PTPN11: variants seen among roughly 807,000 people sequenced by gnomAD.
PTPN11 encodes protein tyrosine phosphatase non-receptor type 11, also known as tyrosine-protein phosphatase non-receptor type 11.
PTPN11 carries 6 observed loss-of-function variants against 78.8 expected under a neutral mutation model. The ratio of observed to expected loss-of-function variants is 0.08; its 90% CI spans 0.04 to 0.15. The LOEUF is 0.15. Ranked by LOEUF, PTPN11 falls within the 10% of genes least tolerant of loss-of-function variation. PTPN11 has a pLI of 1.00. For missense variants in PTPN11, 386 were observed against 744.8 expected (o/e 0.52, Z 5.61); for synonymous variants, 221 against 263.5 (o/e 0.84, Z 1.56).
chr12:112,435,355 C>T (rs1005749681), intron 1 of PTPN11, among the ~76,000 whole-genome samples: 4 of 152,112 alleles, frequency 2.6e-5, no homozygotes, highest in African/African-American at 9.7e-5. Flanking sequence ...GTTAATAATA[C>T]TATGTTTGAG....
chr12:112,504,077 T>C lies in PTPN11; in HGVS notation c.1713-618T>C, dbSNP rs1271158217. Among the ~76,000 whole-genome samples, 1 of 152,250 alleles carries C rather than the reference T, an allele frequency of 6.6e-6. No homozygotes were observed. The highest frequency in any genetic ancestry group is 1.5e-5 in the Non-Finnish European group (1 of 68,046). Reference sequence around the variant, plus strand: ...TGGAAATTAATAGGATTTCATTCTATGTGTGCATTTCCAACCTTTCTTCAC... The same window carrying C: ...TGGAAATTAATAGGATTTCATTCTACGTGTGCATTTCCAACCTTTCTTCAC... On this transcript the variant is annotated intron_variant, in intron 14 of 15. Transcript: ENST00000351677. This position sits in a 1 kb window ranked among gnomAD's most constrained non-coding sequence, Gnocchi z 4.7.
At chr12:112,420,351 C>CT (rs760426760) in intron 1 of PTPN11, among the ~76,000 whole-genome samples, 126 of 145,378 alleles carry the variant, frequency 8.7e-4, no homozygotes, top group African/African-American at 1.2e-3. Context: ...TTCTTTTTTT[C>CT]TTTTTTTTTT....
At chr12:112,442,855 T>TATATATATATATATAAATTATATATACAC (rs2037923120) in intron 1 of PTPN11, among the ~76,000 whole-genome samples, 2 of 95,602 alleles carry the variant, frequency 2.1e-5, no homozygotes, top group African/African-American at 8.6e-5. Context: ...TATATATATA[T>TATATATATATATATAAATTATATATACAC]ATATATATAT....
chr12:112,433,085 T>C (rs1469981366), intron 1 of PTPN11, among the ~76,000 whole-genome samples: 1 of 152,136 alleles, frequency 6.6e-6, no homozygotes, highest in Non-Finnish European at 1.5e-5. Flanking sequence ...GGTCTTGAAC[T>C]CCTGACCTCA....
At chr12:112,503,721 A>C (rs1041661357) in intron 14 of PTPN11, among the ~76,000 whole-genome samples, 1 of 152,154 alleles carries the variant, frequency 6.6e-6, no homozygotes, top group Non-Finnish European at 1.5e-5. Flanking sequence ...CCTCAGTACC[A>C]GTGGCATGCC....
At chr12:112,474,803 A>T (rs1319230882) in intron 7 of PTPN11, among the ~76,000 whole-genome samples, 1 of 151,516 alleles carries the variant, frequency 6.6e-6, no homozygotes. Flanking sequence ...TTTTGTAATT[A>T]TTTTTTTTGT....
At chr12:112,467,684 A>T (rs575785657) in intron 6 of PTPN11, among the ~76,000 whole-genome samples, 1 of 152,194 alleles carries the variant, frequency 6.6e-6, no homozygotes, top group African/African-American at 2.4e-5. Flanking sequence ...TAGCAGAGAC[A>T]GGGTTTCACC....
At chr12:112,479,832 C>G (rs1036279879) in intron 9 of PTPN11, among the ~76,000 whole-genome samples, 1 of 152,178 alleles carries the variant, frequency 6.6e-6, no homozygotes, top group Non-Finnish European at 1.5e-5. Flanking sequence ...CCAAATCACT[C>G]TGCCCCACCC....
chr12:112,427,107 G>A (rs916350472), intron 1 of PTPN11, among the ~76,000 whole-genome samples: 1 of 152,130 alleles, frequency 6.6e-6, no homozygotes, highest in African/African-American at 2.4e-5. Flanking sequence ...TTAGCCAGGT[G>A]TGGTGGTGCA....
Position 112,492,803 on chromosome 12 carries a change from C to T in PTPN11, c.1599+3628C>T, listed in dbSNP as rs181124420. On this transcript the variant is annotated intron_variant, in intron 13 of 15. Coordinates refer to ENST00000351677, the MANE Select transcript of PTPN11 (RefSeq NM_002834.5). ...AAGTGCTGGGATTACAGATGTGAGT[C>T]ACTGCGCCCGGCTCTCATAATACTT... Among the ~76,000 whole-genome samples the T allele has an allele frequency of 9.2e-4, 140 of 152,292 alleles. 1 individual carries two copies. The highest frequency in any genetic ancestry group is 3.3e-3 in the African/African-American group (136 of 41,552).
intron 2 of PTPN11, among the ~76,000 whole-genome samples, chr12:112,447,740 T>TCTGC (rs2038016715): frequency 6.6e-6 from 1 of 151,884 alleles, no homozygotes; most frequent in Admixed American, 6.6e-5. Flanking sequence ...CCTCAGGTGA[T>TCTGC]CTGCCTGCCT....
intron 1 of PTPN11, among the ~76,000 whole-genome samples, chr12:112,436,115 C>A (rs572295390): frequency 3.3e-5 from 5 of 152,002 alleles, no homozygotes; most frequent in Non-Finnish European, 1.5e-5. Context: ...ATAAATAAAA[C>A]AAACATGGGC....
intron 12 of PTPN11, 143 bp downstream of exon 12, chr12:112,488,653 C>T (rs2038709195): frequency 7.9e-6 from 7 of 883,162 alleles, no homozygotes; most frequent in East Asian, 7.6e-5. Flanking sequence ...AGTGTGTCTG[C>T]CTGAGAACAG....
chr12:112,507,149 C>T lies in PTPN11; in HGVS notation c.*1357C>T, dbSNP rs2038945647. On this transcript the variant is annotated 3_prime_UTR_variant, in exon 16 of 16. Transcript: ENST00000351677. ...GGTCACAACCAGTGCCATGGAAAAC[C>T]AAGGATATTAGCAAAAGCAGAAGTT... 7 of 152,982 alleles carry T rather than the reference C, an allele frequency of 4.6e-5. No individual in the cohort carries two copies. The highest frequency in any genetic ancestry group is 4.6e-4 in the Admixed American group (7 of 15,320). 9.5% of individuals were successfully genotyped at this position (152,982 alleles called of 1,614,324 possible).
In PTPN11 at chr12:112,492,329, A is replaced by G. The variant is rs184703972; in HGVS notation, c.1599+3154A>G. 2.6e-5 allele frequency among the ~76,000 whole-genome samples: 4 copies of G among 152,274 alleles called. No individual in the cohort carries two copies. The East Asian group carries it at 7.7e-4, about 29-fold the overall frequency. ...TCCACCGTAAAGTTACTTGAGCAAA[A>G]CGTAGCTGGGACTACAGGCGTAGCA... On this transcript the variant is annotated intron_variant, in intron 13 of 15. Coordinates refer to ENST00000351677, the MANE Select transcript of PTPN11 (RefSeq NM_002834.5).
intron 12 of PTPN11, 23 bp from the exon 13 acceptor site, chr12:112,489,001 T>C (rs2038713308): frequency 6.2e-7 from 1 of 1,612,312 alleles, no homozygotes; most frequent in African/African-American, 1.3e-5. Context: ...TTCTCTTTAT[T>C]CTTCATGATG....
intron 14 of PTPN11, among the ~76,000 whole-genome samples, chr12:112,503,415 C>T (rs970133072): frequency 1.3e-5 from 2 of 152,032 alleles, no homozygotes; most frequent in Non-Finnish European, 2.9e-5. Context: ...ATTTTTAAAC[C>T]CCTGCAGATT....
At chr12:112,432,097 A>G (rs928667479) in intron 1 of PTPN11, among the ~76,000 whole-genome samples, 5 of 152,200 alleles carry the variant, frequency 3.3e-5, no homozygotes, top group Admixed American at 3.3e-4. Context: ...GTCTGAAAAC[A>G]TGAAAAAGTG....
At chr12:112,427,060 C>T (rs927894280) in intron 1 of PTPN11, among the ~76,000 whole-genome samples, 1 of 151,692 alleles carries the variant, frequency 6.6e-6, no homozygotes, top group Non-Finnish European at 1.5e-5. Flanking sequence ...GCCTGGGTAA[C>T]GTGGGTGAAA....
Sources: gnomAD v4.1 joint callset for allele counts (sites outside exome capture counted in the v4.1 genomes callset) on GRCh38, gnomAD v4.1.1 for gene constraint, Gnocchi (gnomAD v3.1) non-coding constraint, MANE v1.5 for transcripts, NCBI Gene and HGNC (gene_info 2026-07-23, HGNC 2026-07-21) for gene names.